RPA1: variants seen among roughly 807,000 people sequenced by gnomAD.
RPA1 encodes replication protein A 70 kDa DNA-binding subunit.
In RPA1, 49 loss-of-function variants were observed where a neutral mutation model predicts 83.0. The ratio of observed to expected loss-of-function variants is 0.59; its 90% CI spans 0.47 to 0.75. The LOEUF (loss-of-function observed/expected upper bound fraction) is 0.75, where lower values mean the gene tolerates loss of function less well. Among genes scored for constraint, RPA1 ranks in the 30% least tolerant of loss-of-function variants. The pLI is 0.00. For synonymous variants in RPA1, 279 were observed against 281.8 expected, an observed-to-expected ratio of 0.99 and a Z score of 0.10; for missense variants, 693 against 776.1, an observed-to-expected ratio of 0.89 and a Z score of 1.27.
At chr17:1,881,051 T>C (rs554696086) in intron 12 of RPA1, among the ~76,000 whole-genome samples, 80 of 152,326 alleles carry the variant, frequency 5.3e-4, no homozygotes, top group African/African-American at 1.8e-3. Flanking sequence ...GAACACATGC[T>C]TTCTTTCTCT....
Position 1,895,005 on chromosome 17 carries a change from G to A in RPA1, c.1660-4G>A, listed in dbSNP as rs764271915. 24 of 1,611,526 alleles carry A rather than the reference G, an allele frequency of 1.5e-5. No homozygotes were observed. The highest frequency in any genetic ancestry group is 5.0e-5 in the Admixed American group (3 of 59,792). ...TGTGTCAAGTTTTATGTTTGTTTTT[G>A]CAGAATGAACAGGCATTTGAAGAAG... On this transcript the variant is annotated splice_region_variant and splice_polypyrimidine_tract_variant and intron_variant, in intron 15 of 16. Coordinates refer to ENST00000254719, the MANE Select transcript of RPA1 (RefSeq NM_002945.5).
chr17:1,850,793 G>A (rs1369082896), intron 4 of RPA1, among the ~76,000 whole-genome samples: 4 of 151,694 alleles, frequency 2.6e-5, no homozygotes, highest in African/African-American at 9.7e-5. Flanking sequence ...TCAAGAGGCC[G>A]AGGCAGGAAA....
chr17:1,838,900 G>A (rs1032291230), intron 1 of RPA1, among the ~76,000 whole-genome samples: 5 of 151,876 alleles, frequency 3.3e-5, no homozygotes, highest in Admixed American at 1.3e-4. Context: ...ACCCAGGCTG[G>A]AGTGCAGTGG....
chr17:1,837,535 A>G (rs889675964), intron 1 of RPA1, among the ~76,000 whole-genome samples: 6 of 152,236 alleles, frequency 3.9e-5, no homozygotes, highest in African/African-American at 1.4e-4. Flanking sequence ...TGTAAAAGAA[A>G]TCGCCAACCT....
intron 11 of RPA1, 59 bp downstream of exon 11, chr17:1,879,758 C>A: frequency 6.2e-7 from 1 of 1,604,990 alleles, no homozygotes; most frequent in South Asian, 1.1e-5. Context: ...GGGGCGTGGT[C>A]TTGTCCTATA....
intron 4 of RPA1, among the ~76,000 whole-genome samples, chr17:1,850,910 ATTATC>A (rs1912471227): frequency 6.6e-6 from 1 of 152,156 alleles, no homozygotes; most frequent in Non-Finnish European, 1.5e-5. Context: ...AAAAATAAGA[ATTATC>A]TTAGCTTGCT....
chr17:1,885,285 C>T (rs1232239363), intron 13 of RPA1, among the ~76,000 whole-genome samples: 3 of 152,164 alleles, frequency 2.0e-5, no homozygotes, highest in Non-Finnish European at 4.4e-5. Context: ...CGTGAGATTA[C>T]AGCAGTTCAG....
At chr17:1,830,164 T>A in intron 1 of RPA1, 38 bp downstream of exon 1, 1 of 1,080,702 alleles carries the variant, frequency 9.3e-7, no homozygotes, top group Non-Finnish European at 1.1e-6. Flanking sequence ...CGGTCCGGGG[T>A]GGCTGCGGCC....
At chr17:1,844,518 G>T (rs1242366313) in intron 3 of RPA1, 60 bp from the exon 4 acceptor site, 1 of 1,327,310 alleles carries the variant, frequency 7.5e-7, no homozygotes, top group African/African-American at 1.4e-5. Context: ...GGTATGAGTA[G>T]CTCTCAGAGG....
At chr17:1,864,471 G>A (rs1224697122) in intron 5 of RPA1, among the ~76,000 whole-genome samples, 2 of 152,126 alleles carry the variant, frequency 1.3e-5, no homozygotes, top group Non-Finnish European at 2.9e-5. Context: ...CCTGGGAATC[G>A]GAGGTTGCAG....
intron 15 of RPA1, among the ~76,000 whole-genome samples, chr17:1,893,950 T>G (rs1430915032): frequency 6.6e-6 from 1 of 151,892 alleles, no homozygotes; most frequent in East Asian, 1.9e-4. Flanking sequence ...AGCTTCAAAC[T>G]CTTGGGCTCA....
chr17:1,863,126 T>C (rs1913048150), intron 5 of RPA1, among the ~76,000 whole-genome samples: 1 of 151,998 alleles, frequency 6.6e-6, no homozygotes, highest in Non-Finnish European at 1.5e-5. Flanking sequence ...CAGGCTCAAG[T>C]GATCTTCCCA....
intron 1 of RPA1, among the ~76,000 whole-genome samples, chr17:1,836,196 C>T (rs1457508038): frequency 2.0e-5 from 3 of 152,050 alleles, no homozygotes; most frequent in African/African-American, 7.2e-5. Context: ...ACTGCAACCT[C>T]TGCCTCCCAG....
intron 1 of RPA1, among the ~76,000 whole-genome samples, chr17:1,831,898 CTTTTTTTTTTT>C (rs138268342): frequency 1.9e-4 from 7 of 37,816 alleles, no homozygotes; most frequent in African/African-American, 6.4e-4. Flanking sequence ...TGTGCCCGGC[CTTTTTTTTTTT>C]TTTTTTTTTT....
rs1452882290 is a variant in RPA1, at chr17:1,880,645, A to G, written c.1195A>G (p.Ile399Val). ...CCTCTCCGTGCTGTCTTCAAGCACT[A>G]TCATTGCGAATCCTGACATCCCAGA... ...RSLSVLSSST[I>V]IANPDIPEAY... Residue 399 changes from isoleucine (I) to valine (V), a missense_variant, in exon 12 of 17, where the codon ATC becomes GTC. By Grantham distance (29) the Ile-to-Val change is conservative. Transcript: ENST00000254719. 3 of 1,613,978 alleles carry G rather than the reference A, an allele frequency of 1.9e-6. No individual in the cohort carries two copies. Among genetic ancestry groups the G allele is most frequent in the South Asian group, 2.2e-5 (2 of 91,082 alleles).
Position 1,891,814 on chromosome 17 carries a change from G to A in RPA1, c.1552-19G>A, listed in dbSNP as rs552148735. The A allele has an allele frequency of 1.5e-5, 21 of 1,442,218 alleles. No individual in the cohort carries two copies. In the Admixed American group the frequency reaches 2.2e-4, roughly 15 times the overall value. The allele number at this position is 1,442,218 out of a possible 1,614,324, so 89.3% of individuals were successfully genotyped here. On this transcript the variant is annotated intron_variant, in intron 14 of 16. Coordinates refer to ENST00000254719, the MANE Select transcript of RPA1 (RefSeq NM_002945.5). ...TTTATTATTTCTTTGCTGAAATAAT[G>A]TAGAATTGTGTTTTTTAGGTAAATA...
rs199722600 is a variant in RPA1, at chr17:1,883,883, G to A, written c.1313G>A (p.Ser438Asn). The A allele has an allele frequency of 1.2e-5, 20 of 1,614,190 alleles. No individual in the cohort carries two copies. The South Asian group carries it at 1.9e-4, about 15-fold the overall frequency. Residue 438 changes from serine to asparagine, a missense_variant, in exon 13 of 17, where the codon AGT (serine) becomes AAT (asparagine). By Grantham distance (46) the Ser-to-Asn change is conservative. Coordinates refer to ENST00000254719, the MANE Select transcript of RPA1 (RefSeq NM_002945.5). ...CTAAAGAGCGGCGGAGTCGGAGGGA[G>A]TAACACCAACTGGAAAACCTTGTAT... is the stretch of plus-strand genomic sequence containing the variant. ...SDLKSGGVGG[S>N]NTNWKTLYEV...
Position 1,883,895 on chromosome 17 carries a change from G to A in RPA1, c.1325G>A (p.Trp442Ter). 5 of 1,614,172 alleles carry A rather than the reference G, an allele frequency of 3.1e-6. No homozygotes were observed. Among genetic ancestry groups the A allele is most frequent in the Non-Finnish European group, 4.2e-6 (5 of 1,180,024 alleles). The stretch of plus-strand genomic sequence containing the variant: ...GGAGTCGGAGGGAGTAACACCAACT[G>A]GAAAACCTTGTATGAGGTCAAATCC... ...SGGVGGSNTN[W>*]KTLYEVKSEN... Residue 442 changes from tryptophan (W) to a stop codon, truncating the protein, a stop_gained, in exon 13 of 17, where the codon TGG becomes TAG. Transcript: ENST00000254719. LOFTEE classifies it high-confidence loss of function.
In RPA1 at chr17:1,851,095, A is replaced by G. The variant is rs75585922; in HGVS notation, c.273-2006A>G. On this transcript the variant is annotated intron_variant, in intron 4 of 16. Transcript: ENST00000254719. ...TAGCTCCATCCTTTCAACGTCCACT[A>G]TCCTCTGTAATTTTGAGGTAAATCT... is the stretch of plus-strand genomic sequence containing the variant. Among the ~76,000 whole-genome samples, 94 of 152,260 alleles carry G rather than the reference A, an allele frequency of 6.2e-4. 1 individual carries two copies. The East Asian group carries it at 0.015, about 24-fold the overall frequency.
Sources: gnomAD v4.1 joint callset for allele counts (sites outside exome capture counted in the v4.1 genomes callset) on GRCh38, gnomAD v4.1.1 for gene constraint, MANE v1.5 for transcripts, NCBI Gene and HGNC (gene_info 2026-07-23, HGNC 2026-07-21) for gene names.